The following CLIP1 variants were observed in gnomAD, a reference collection of about 807,000 sequenced individuals.
The protein encoded by CLIP1 is CAP-Gly domain-containing linker protein 1.
In CLIP1, 66 loss-of-function variants were observed where a neutral mutation model predicts 161.6. The observed-to-expected ratio is 0.41, with a 90% CI of 0.33 to 0.50. CLIP1 has a LOEUF of 0.50. CLIP1 is among the 20% of genes least tolerant of loss of function. The pLI is 0.27. For missense variants in CLIP1, 1,376 were observed against 1,702.0 expected, an observed-to-expected ratio of 0.81 and a Z score of 3.37; for synonymous variants, 598 against 626.2, an observed-to-expected ratio of 0.96 and a Z score of 0.67.
At chr12:122,281,644 C>T (rs1426512915) in intron 21 of CLIP1, among the ~76,000 whole-genome samples, 1 of 151,672 alleles carries the variant, frequency 6.6e-6, no homozygotes, top group Admixed American at 6.6e-5. Flanking sequence ...AGCCCAGGAG[C>T]TTGAGGTTGT....
chr12:122,349,269 G>A (rs1952903041), intron 9 of CLIP1, among the ~76,000 whole-genome samples: 1 of 152,192 alleles, frequency 6.6e-6, no homozygotes, highest in African/African-American at 2.4e-5. Context: ...TGTCCTCTGG[G>A]TAAAAGGTCA....
chr12:122,294,108 C>T (rs1202283154), intron 20 of CLIP1, among the ~76,000 whole-genome samples: 1 of 151,612 alleles, frequency 6.6e-6, no homozygotes, highest in Non-Finnish European at 1.5e-5. Context: ...GCGGGCGGAT[C>T]ACAAGGTCAG....
chr12:122,409,531 T>C (rs1398364347), intron 1 of CLIP1, among the ~76,000 whole-genome samples: 1 of 152,068 alleles, frequency 6.6e-6, no homozygotes, highest in African/African-American at 2.4e-5. Flanking sequence ...TTGGTTTCAT[T>C]TGGATTTTAA....
At chr12:122,276,567 A>G (rs1044523753) in intron 24 of CLIP1, 1 of 1,100,876 alleles carries the variant, frequency 9.1e-7, no homozygotes, top group Non-Finnish European at 1.2e-6. Flanking sequence ...ATGCTAATCC[A>G]TGGTAAGTTT....
chr12:122,334,158 G>A, intron 13 of CLIP1, 48 bp from the exon 14 acceptor site: 3 of 1,146,786 alleles, frequency 2.6e-6, no homozygotes, highest in Non-Finnish European at 2.6e-6. Context: ...TATTTAATAA[G>A]CTATCTGGAG....
At chr12:122,318,904 G>A (rs550846230) in intron 18 of CLIP1, among the ~76,000 whole-genome samples, 15 of 152,156 alleles carry the variant, frequency 9.9e-5, no homozygotes, top group Non-Finnish European at 2.1e-4. Flanking sequence ...GCTCAAAGTT[G>A]GGAAAGAGAA....
chr12:122,383,488 T>C (rs1955100092), intron 1 of CLIP1, among the ~76,000 whole-genome samples: 1 of 152,176 alleles, frequency 6.6e-6, no homozygotes, highest in African/African-American at 2.4e-5. Flanking sequence ...AAGCTCTGTC[T>C]AGGGCTCTGT....
intron 20 of CLIP1, among the ~76,000 whole-genome samples, chr12:122,297,986 G>A (rs896653370): frequency 2.0e-5 from 3 of 152,208 alleles, no homozygotes; most frequent in South Asian, 2.1e-4. Flanking sequence ...GGCCATCTCC[G>A]TCCAGTTTGG....
intron 12 of CLIP1, among the ~76,000 whole-genome samples, chr12:122,336,413 T>TAA (rs144935400): frequency 2.2e-5 from 3 of 139,010 alleles, no homozygotes; most frequent in Non-Finnish European, 1.6e-5. Flanking sequence ...AGGGATAGAT[T>TAA]AAAAAAAAAA....
intron 17 of CLIP1, among the ~76,000 whole-genome samples, chr12:122,321,579 C>A (rs1458873434): frequency 6.6e-6 from 1 of 152,112 alleles, no homozygotes; most frequent in Non-Finnish European, 1.5e-5. Context: ...AGTGCAATGG[C>A]ATGATCTCGG....
At chr12:122,282,808 G>A (rs1329399419) in intron 21 of CLIP1, among the ~76,000 whole-genome samples, 2 of 152,070 alleles carry the variant, frequency 1.3e-5, no homozygotes, top group South Asian at 2.1e-4. Context: ...TTATTATAAC[G>A]TGGATAGACT....
intron 1 of CLIP1, among the ~76,000 whole-genome samples, chr12:122,418,927 C>T (rs186968901): frequency 1.3e-5 from 2 of 152,234 alleles, no homozygotes; most frequent in Admixed American, 6.6e-5. Flanking sequence ...GTGAAAGTCT[C>T]GATTTAGTTA....
chr12:122,372,874 C>G (rs974154960), intron 3 of CLIP1, among the ~76,000 whole-genome samples: 3 of 152,056 alleles, frequency 2.0e-5, no homozygotes, highest in Non-Finnish European at 4.4e-5. Context: ...AAAAAGAGCC[C>G]AAGAATTCCC....
At chr12:122,308,880 G>T (rs2136497638) in intron 20 of CLIP1, among the ~76,000 whole-genome samples, 1 of 152,266 alleles carries the variant, frequency 6.6e-6, no homozygotes, top group South Asian at 2.1e-4. Context: ...CCATGTCAAT[G>T]GGTACTCAGT....
At chr12:122,334,326 C>T (rs915763044) in intron 13 of CLIP1, among the ~76,000 whole-genome samples, 3 of 152,216 alleles carry the variant, frequency 2.0e-5, no homozygotes, top group African/African-American at 7.2e-5. Context: ...TTCAGACAGG[C>T]ATCAGGCCCT....
chr12:122,290,942 G>T (rs1950225520), intron 20 of CLIP1, among the ~76,000 whole-genome samples: 1 of 150,442 alleles, frequency 6.6e-6, no homozygotes, highest in African/African-American at 2.4e-5. Context: ...GCCCAGGCTG[G>T]AGTGCAATGG....
Position 122,288,518 on chromosome 12 carries a change from G to C in CLIP1, c.3618C>G (p.Leu1206=). 5.6e-6 allele frequency: 9 copies of C among 1,607,452 alleles called. No individual in the cohort carries two copies. Among genetic ancestry groups the C allele is most frequent in the Non-Finnish European group, 6.8e-6 (8 of 1,179,688 alleles). ...HQKLEEERSV[L]NNQLLEMKKR... ...TTTTCATTTCTAACAACTGATTATT[G>C]AGCACAGATCTTTCTTCTTCCAGCT... The change falls in exon 21 of 26, where the codon CTC becomes CTG. Residue 1206 remains leucine (L), a synonymous_variant. Transcript: ENST00000620786.
At chr12:122,383,876 A>C (rs1955121209) in intron 1 of CLIP1, among the ~76,000 whole-genome samples, 1 of 152,172 alleles carries the variant, frequency 6.6e-6, no homozygotes, top group Non-Finnish European at 1.5e-5. Flanking sequence ...CTCACTAATA[A>C]GCTGAGCATA....
chr12:122,278,880 T>C lies in CLIP1; in HGVS notation c.3828A>G (p.Leu1276=), dbSNP rs771499354. ...AKSLHSVVQT[L]ESDKVKLELK... ...GCTCGAGCTTCACCTTATCAGACTC[T>C]AGAGTCTGAACAACTGAATGCAAGG... The change falls in exon 23 of 26, where the codon CTA becomes CTG. Residue 1276 remains leucine, a synonymous_variant. Transcript: ENST00000620786. 4 of 1,613,420 alleles carry C rather than the reference T, an allele frequency of 2.5e-6. No individual in the cohort carries two copies. In the African/African-American group the frequency reaches 5.3e-5, roughly 22 times the overall value.
Sources: gnomAD v4.1 joint callset for allele counts (sites outside exome capture counted in the v4.1 genomes callset) on GRCh38, gnomAD v4.1.1 for gene constraint, MANE v1.5 for transcripts, NCBI Gene and HGNC (gene_info 2026-07-23, HGNC 2026-07-21) for gene names.